The following MACC1 variants were observed in gnomAD, a reference collection of about 807,000 sequenced individuals.
MACC1 encodes the protein metastasis-associated in colon cancer protein 1.
A neutral mutation model predicts 70.7 loss-of-function variants in MACC1; 79 were observed. The ratio of observed to expected loss-of-function variants is 1.12; its 90% CI spans 0.93 to 1.35. The LOEUF is 1.35. MACC1 is among the 40% of genes most tolerant of loss of function. MACC1 has a pLI of 0.00. For missense variants in MACC1, 1,106 were observed against 978.1 expected (o/e 1.13, Z -1.74); for synonymous variants, 361 against 347.2 (o/e 1.04, Z -0.44).
chr7:20,140,813 AC>A lies in MACC1; in HGVS notation c.*132del, dbSNP rs1222240461. 2.6e-3 allele frequency: 1,367 copies of A among 531,526 alleles called. 17 individuals carry two copies. In the African/African-American group the frequency reaches 0.036, roughly 14 times the overall value. 32.9% of individuals were successfully genotyped at this position (531,526 alleles called of 1,614,324 possible). ...GATTCTTTCTTTCCTACACACACAC[AC>A]ACACACACACAGACACACACACACA... On this transcript the variant is annotated 3_prime_UTR_variant, in exon 7 of 7. Coordinates refer to ENST00000400331, the MANE Select transcript of MACC1 (RefSeq NM_182762.4).
At chr7:20,150,746 T>C (rs1000835651) in intron 6 of MACC1, among the ~76,000 whole-genome samples, 14 of 152,032 alleles carry the variant, frequency 9.2e-5, no homozygotes, top group African/African-American at 2.9e-4. Flanking sequence ...TGGGCAAAGG[T>C]AATTGAAGAA....
intron 6 of MACC1, among the ~76,000 whole-genome samples, chr7:20,145,067 C>T (rs1485526357): frequency 1.3e-5 from 2 of 152,156 alleles, no homozygotes; most frequent in Non-Finnish European, 2.9e-5. Context: ...ACTCCAGTGA[C>T]ACCACAATGG....
At chr7:20,205,044 T>G (rs1446702263) in intron 1 of MACC1, among the ~76,000 whole-genome samples, 1 of 152,194 alleles carries the variant, frequency 6.6e-6, no homozygotes, top group Non-Finnish European at 1.5e-5. Flanking sequence ...TTTTAAAAGT[T>G]TGATATATGA....
chr7:20,197,733 C>A (rs1346987911), intron 1 of MACC1, among the ~76,000 whole-genome samples: 1 of 152,130 alleles, frequency 6.6e-6, no homozygotes, highest in Admixed American at 6.5e-5. Flanking sequence ...GTTTAAGAAG[C>A]CCTATTTGAG....
intron 1 of MACC1, among the ~76,000 whole-genome samples, chr7:20,203,328 G>A (rs947552463): frequency 6.6e-6 from 1 of 152,056 alleles, no homozygotes; most frequent in Non-Finnish European, 1.5e-5. Context: ...CAACTAACTA[G>A]CTACTGCTGC....
chr7:20,158,700 CCATAGTTGCTAAAGTTCAA>C lies in MACC1; in HGVS notation c.1642_1660del (p.Leu548GlyfsTer2), dbSNP rs1309855664. 2.5e-6 allele frequency: 4 copies of C among 1,613,834 alleles called. No individual in the cohort carries two copies. The South Asian group carries it at 4.4e-5, about 18-fold the overall frequency. On this transcript the variant is annotated frameshift_variant, in exon 5 of 7. Coordinates refer to ENST00000400331, the MANE Select transcript of MACC1 (RefSeq NM_182762.4). LOFTEE classifies it high-confidence loss of function. ...TCTTAGCACTGCCTTCAGGGTTACCCCATAGTTGCTAAAGTTCAATGTTTTATCTTGAAATGTAGGATAT... is the reference window on the plus strand; with the variant it reads ...TCTTAGCACTGCCTTCAGGGTTACCCTGTTTTATCTTGAAATGTAGGATAT...
Position 20,158,433 on chromosome 7 carries a change from A to C in MACC1, c.1928T>G (p.Leu643Ter). 6.2e-7 allele frequency: 1 copy of C among 1,613,622 alleles called. No individual in the cohort carries two copies. Among genetic ancestry groups the C allele is most frequent in the Non-Finnish European group, 8.5e-7 (1 of 1,179,884 alleles). Residue 643 changes from leucine to a stop codon, truncating the protein, a stop_gained, in exon 5 of 7, where the codon TTA (leucine) becomes TGA (stop). Transcript: ENST00000400331. LOFTEE classifies it high-confidence loss of function. ...RNLLEQIVLP[L>*]KKLTYIYSVV... Reference sequence around the variant, plus strand: ...TGAGTAGATATAAGTCAATTTTTTTAAAGGCAGGACAATCTGTTCAAGAAG... The same window carrying C: ...TGAGTAGATATAAGTCAATTTTTTTCAAGGCAGGACAATCTGTTCAAGAAG...
At chr7:20,178,424 A>G (rs538507078) in intron 1 of MACC1, among the ~76,000 whole-genome samples, 1 of 152,248 alleles carries the variant, frequency 6.6e-6, no homozygotes, top group African/African-American at 2.4e-5. Flanking sequence ...CAACATTTTG[A>G]AGACATTATT....
At chr7:20,209,953 TTCTC>T (rs1323487656) in intron 1 of MACC1, among the ~76,000 whole-genome samples, 3 of 152,306 alleles carry the variant, frequency 2.0e-5, no homozygotes, top group Non-Finnish European at 2.9e-5. Context: ...CTGGCACTCA[TTCTC>T]TCTCCTGCTG....
At chr7:20,182,889 T>C (rs1252681524) in intron 1 of MACC1, among the ~76,000 whole-genome samples, 1 of 152,218 alleles carries the variant, frequency 6.6e-6, no homozygotes, top group Non-Finnish European at 1.5e-5. Flanking sequence ...TGGGAAATCT[T>C]ATGTAAAAAC....
intron 2 of MACC1, among the ~76,000 whole-genome samples, 172 bp from the exon 3 acceptor site, chr7:20,164,571 T>C (rs1782186084): frequency 6.6e-6 from 1 of 152,212 alleles, no homozygotes; most frequent in Admixed American, 6.5e-5. Flanking sequence ...GCAATAACCA[T>C]TTCTTTCCCT....
intron 1 of MACC1, among the ~76,000 whole-genome samples, chr7:20,215,733 A>G (rs1783060214): frequency 6.6e-6 from 1 of 152,222 alleles, no homozygotes; most frequent in Admixed American, 6.5e-5. Flanking sequence ...ACATGTCTTC[A>G]AGTTCAAAAT....
chr7:20,169,991 C>T (rs917348313), intron 2 of MACC1, among the ~76,000 whole-genome samples: 3 of 152,200 alleles, frequency 2.0e-5, no homozygotes, highest in East Asian at 1.9e-4. Flanking sequence ...AGACTCCAAT[C>T]TCTGATAGCT....
chr7:20,206,081 T>G, intron 1 of MACC1, among the ~76,000 whole-genome samples: 1 of 151,704 alleles, frequency 6.6e-6, no homozygotes, highest in East Asian at 2.0e-4. Context: ...CACATTATCG[T>G]CATCTGCTTG....
intron 1 of MACC1, among the ~76,000 whole-genome samples, chr7:20,203,882 T>C (rs967510867): frequency 6.6e-6 from 1 of 152,152 alleles, no homozygotes; most frequent in Non-Finnish European, 1.5e-5. Flanking sequence ...AGCTAACGGC[T>C]GGAAAATTAC....
intron 1 of MACC1, among the ~76,000 whole-genome samples, chr7:20,203,741 T>C (rs1454255117): frequency 6.6e-6 from 1 of 152,212 alleles, no homozygotes; most frequent in Non-Finnish European, 1.5e-5. Context: ...TGTGAAAATA[T>C]TGCCAATTGG....
chr7:20,203,586 G>C lies in MACC1; in HGVS notation c.-218+13713C>G, dbSNP rs115864947. 6.9e-3 allele frequency among the ~76,000 whole-genome samples: 1,047 copies of C among 152,262 alleles called. 15 individuals are homozygous for C. Among genetic ancestry groups the C allele is most frequent in the African/African-American group, 0.024 (998 of 41,548 alleles). On this transcript the variant is annotated intron_variant, in intron 1 of 6. Coordinates refer to ENST00000400331, the MANE Select transcript of MACC1 (RefSeq NM_182762.4). ...CAAGCTTTCCTGGAATGTGCAATGA[G>C]GTGAAACAATAGCATCCTTCATCTC... is the stretch of plus-strand genomic sequence containing the variant.
intron 6 of MACC1, among the ~76,000 whole-genome samples, chr7:20,152,223 T>C (rs1237962128): frequency 6.6e-6 from 1 of 152,068 alleles, no homozygotes; most frequent in Non-Finnish European, 1.5e-5. Flanking sequence ...TTGGAGTGTG[T>C]GCCCTCTGAG....
At chr7:20,198,887 C>T (rs372617893) in intron 1 of MACC1, among the ~76,000 whole-genome samples, 1 of 152,126 alleles carries the variant, frequency 6.6e-6, no homozygotes, top group Admixed American at 6.5e-5. Flanking sequence ...AGAGATCCAC[C>T]AAGGATGCCT....
Sources: gnomAD v4.1 joint callset for allele counts (sites outside exome capture counted in the v4.1 genomes callset) on GRCh38, gnomAD v4.1.1 for gene constraint, MANE v1.5 for transcripts, NCBI Gene and HGNC (gene_info 2026-07-23, HGNC 2026-07-21) for gene names.